The following MYLK variants were observed in gnomAD, a reference collection of about 807,000 sequenced individuals.
MYLK encodes the protein myosin light chain kinase, also known as myosin light chain kinase, smooth muscle.
Under a neutral mutation model 203.4 loss-of-function variants are expected in MYLK, and 106 were observed. That is an observed-to-expected ratio of 0.52 (90% CI 0.45 to 0.61). The LOEUF (loss-of-function observed/expected upper bound fraction) is 0.61, where lower values mean the gene tolerates loss of function less well. Ranked by LOEUF, MYLK falls within the 20% of genes least tolerant of loss-of-function variation. The pLI is 0.00. For synonymous variants in MYLK, 867 were observed against 959.5 expected (o/e 0.90, Z 1.78); for missense variants, 2,072 against 2,442.3 (o/e 0.85, Z 3.20).
At chr3:123,857,484 C>T (rs955090505) in intron 2 of MYLK, among the ~76,000 whole-genome samples, 1 of 151,988 alleles carries the variant, frequency 6.6e-6, no homozygotes, top group African/African-American at 2.4e-5. Flanking sequence ...ATAATGAGTT[C>T]ATGTCCTTTG....
At chr3:123,833,133 G>C (rs1053039666) in intron 2 of MYLK, among the ~76,000 whole-genome samples, 9 of 152,136 alleles carry the variant, frequency 5.9e-5, no homozygotes, top group Admixed American at 1.3e-4. Flanking sequence ...AGTGTCAGCA[G>C]AAAGTTCATT....
intron 9 of MYLK, chr3:123,734,437 A>C: frequency 2.0e-6 from 1 of 508,556 alleles, no homozygotes; most frequent in Admixed American, 3.7e-5. Context: ...CCTGTCCCAC[A>C]ACCCTGCCCA....
intron 16 of MYLK, among the ~76,000 whole-genome samples, chr3:123,702,030 G>T (rs1194571919): frequency 1.3e-5 from 2 of 152,198 alleles, no homozygotes; most frequent in African/African-American, 2.4e-5. Flanking sequence ...TCTCAGATCA[G>T]AACTTTTTGT....
At chr3:123,623,681 C>T (rs2057992284) in intron 31 of MYLK, 1 of 152,314 alleles carries the variant, frequency 6.6e-6, no homozygotes, top group South Asian at 2.1e-4. Context: ...GCCCACAGCC[C>T]ACTCCACCCC....
At chr3:123,760,469 C>T (rs755361120) in intron 4 of MYLK, among the ~76,000 whole-genome samples, 5 of 152,206 alleles carry the variant, frequency 3.3e-5, no homozygotes, top group Non-Finnish European at 7.3e-5. Flanking sequence ...TGAGCCACCA[C>T]GCCTGGCTGA....
At chr3:123,865,238 T>A (rs2032246858) in intron 2 of MYLK, among the ~76,000 whole-genome samples, 1 of 152,242 alleles carries the variant, frequency 6.6e-6, no homozygotes. Context: ...CTAGCCTTAT[T>A]CTGCCATTGT....
At position 123,790,445 on chromosome 3, in the gene MYLK, C is replaced by G. The variant is rs149545183; in HGVS notation, c.165+3232G>C. Among the ~76,000 whole-genome samples, 212 of 152,254 alleles carry G rather than the reference C, an allele frequency of 1.4e-3. 2 individuals carry two copies. In the Middle Eastern group the frequency reaches 0.02, roughly 15 times the overall value. On this transcript the variant is annotated intron_variant, in intron 4 of 33. Coordinates refer to ENST00000360304, the MANE Select transcript of MYLK (RefSeq NM_053025.4). ...ATGTATCTCCCACAAGGTGGAAAAG[C>G]CCTAAAGGCTGTGAGGGACTGAGCC...
intron 3 of MYLK, among the ~76,000 whole-genome samples, chr3:123,816,368 G>C (rs1056076119): frequency 6.6e-6 from 1 of 152,242 alleles, no homozygotes; most frequent in Non-Finnish European, 1.5e-5. Flanking sequence ...AACAACACTT[G>C]TCTCAGAGGT....
chr3:123,737,357 T>G (rs769846550), intron 8 of MYLK, 21 bp downstream of exon 8: 4 of 1,613,896 alleles, frequency 2.5e-6, no homozygotes, highest in Non-Finnish European at 3.4e-6. Flanking sequence ...CGTTCTGCAC[T>G]AGCCGTCCAC....
chr3:123,625,291 C>G (rs1253088622), intron 31 of MYLK: 1 of 152,242 alleles, frequency 6.6e-6, no homozygotes, highest in African/African-American at 2.4e-5. Context: ...GTTTATACAT[C>G]TTGGTGCGTG....
intron 29 of MYLK, among the ~76,000 whole-genome samples, chr3:123,631,873 CT>C (rs11391919): frequency 2.3e-3 from 318 of 140,210 alleles, no homozygotes; most frequent in Non-Finnish European, 2.2e-3. Flanking sequence ...TCTCCTTTTT[CT>C]TTTTTTTTTT....
In MYLK at chr3:123,793,696, G is replaced by A. The variant is rs1337572355; in HGVS notation, c.146C>T (p.Thr49Ile). 4 of 1,614,046 alleles carry A rather than the reference G, an allele frequency of 2.5e-6. No homozygotes were observed. Among genetic ancestry groups the A allele is most frequent in the African/African-American group, 1.3e-5 (1 of 74,924 alleles). The stretch of plus-strand genomic sequence containing the variant: ...TCTTACCCGCCCTTCGAACTTGGCG[G>A]TGGCTCCTTCTTTGATGCAGAGGTT... Reference protein sequence around the residue: ...PRNLCIKEGATAKFEGRVRGY... With the variant: ...PRNLCIKEGAIAKFEGRVRGY... The change falls in exon 4 of 34, where the codon ACC becomes ATC. Residue 49 changes from threonine (T) to isoleucine (I), a missense_variant. This residue lies in a region of MYLK where 683 missense variants were observed against 643.8 expected (regional missense o/e 1.06). Transcript: ENST00000360304.
At chr3:123,873,995 A>G (rs533565502) in intron 2 of MYLK, among the ~76,000 whole-genome samples, 1 of 152,260 alleles carries the variant, frequency 6.6e-6, no homozygotes, top group Non-Finnish European at 1.5e-5. Context: ...TGATAAGGAA[A>G]TCAAAGATGA....
intron 3 of MYLK, among the ~76,000 whole-genome samples, chr3:123,799,359 GAA>G (rs2065111117): frequency 1.3e-5 from 2 of 152,124 alleles, no homozygotes; most frequent in African/African-American, 4.8e-5. Context: ...CAACTACAGC[GAA>G]AAGAGATTGT....
chr3:123,625,806 CA>C (rs11288924), intron 31 of MYLK, among the ~76,000 whole-genome samples: 38,545 of 94,886 alleles, frequency 0.41, 8,568 homozygotes, highest in African/African-American at 0.7. Context: ...GACTCCATCT[CA>C]AAAAAAAAAA....
intron 3 of MYLK, among the ~76,000 whole-genome samples, chr3:123,814,500 A>T (rs937319561): frequency 3.9e-5 from 6 of 152,210 alleles, no homozygotes; most frequent in African/African-American, 1.4e-4. Flanking sequence ...TACGATTACA[A>T]ATGACTTTTC....
At position 123,629,804 on chromosome 3, in the gene MYLK, G is replaced by A; in HGVS notation, c.4962-178C>T. ...GAAAGAAAAGAGGGTGTGGTTCACA[G>A]CCCTGTCTTTTCTTGGTCACCTGCC... On this transcript the variant is annotated intron_variant, in intron 29 of 33. Coordinates refer to ENST00000360304, the MANE Select transcript of MYLK (RefSeq NM_053025.4). This position sits in a 1 kb window ranked among gnomAD's most constrained non-coding sequence, Gnocchi z 4.4. 1 of 643,286 alleles carries A rather than the reference G, an allele frequency of 1.6e-6. No individual in the cohort carries two copies. The highest frequency in any genetic ancestry group is 2.7e-6 in the Non-Finnish European group (1 of 373,114). 39.8% of individuals were successfully genotyped at this position (643,286 alleles called of 1,614,324 possible).
chr3:123,735,388 C>T lies in MYLK; in HGVS notation c.773+10G>A, dbSNP rs747893112. 63 of 1,614,072 alleles carry T rather than the reference C, an allele frequency of 3.9e-5. No homozygotes were observed. The highest frequency in any genetic ancestry group is 5.2e-5 in the Non-Finnish European group (61 of 1,179,982). On this transcript the variant is annotated intron_variant, in intron 9 of 33. Coordinates refer to ENST00000360304, the MANE Select transcript of MYLK (RefSeq NM_053025.4). ...AGGGAAAACGTAAAAGTCACAAAGC[C>T]TAGACATACCTATTGGCACTGTCCA...
intron 20 of MYLK, among the ~76,000 whole-genome samples, chr3:123,667,471 G>T (rs1451005601): frequency 7.2e-5 from 11 of 152,088 alleles, no homozygotes; most frequent in Non-Finnish European, 2.9e-5. Context: ...GGGCATGGTG[G>T]TGTGCACCTG....
Sources: allele counts gnomAD v4.1 joint callset (sites outside exome capture counted in the v4.1 genomes callset), GRCh38; gene constraint gnomAD v4.1.1; regional missense constraint gnomAD v4.1.1; non-coding constraint Gnocchi (gnomAD v3.1); transcripts MANE v1.5; gene names NCBI Gene and HGNC (gene_info 2026-07-23, HGNC 2026-07-21).